The following DNAH1 variants were observed in gnomAD, a reference collection of about 807,000 sequenced individuals.
DNAH1 encodes the protein axonemal beta dynein heavy chain 1.
A neutral mutation model predicts 484.3 loss-of-function variants in DNAH1; 327 were observed. The ratio of observed to expected loss-of-function variants is 0.68; its 90% CI spans 0.62 to 0.74. The LOEUF (loss-of-function observed/expected upper bound fraction) is 0.74, where lower values mean the gene tolerates loss of function less well. Among genes scored for constraint, DNAH1 ranks in the 30% least tolerant of loss-of-function variants. DNAH1 has a pLI of 0.00. For missense variants in DNAH1, 5,052 were observed against 5,546.8 expected (o/e 0.91, Z 2.83); for synonymous variants, 2,192 against 2,191.9 (o/e 1.00, Z 0.00).
Position 52,389,343 on chromosome 3 carries a change from A to G in DNAH1, c.9496-118A>G, listed in dbSNP as rs74339230. ...CCCGAAGTGGGATTAGAATGCAGGT[A>G]TCTGGCTCCATGTCTGAGCTCAGAT... is the stretch of plus-strand genomic sequence containing the variant. On this transcript the variant is annotated intron_variant, in intron 59 of 77. Coordinates refer to ENST00000420323, the MANE Select transcript of DNAH1 (RefSeq NM_015512.5). 1.3e-3 allele frequency: 1,873 copies of G among 1,440,322 alleles called. 16 individuals carry two copies. In the African/African-American group the frequency reaches 0.023, roughly 18 times the overall value. The allele number at this position is 1,440,322 out of a possible 1,614,324, so 89.2% of individuals were successfully genotyped here.
At chr3:52,374,638 G>A (rs1703503653) in intron 44 of DNAH1, 3 of 1,483,480 alleles carry the variant, frequency 2.0e-6, no homozygotes, top group Non-Finnish European at 2.8e-6. Flanking sequence ...AGTTTAATCA[G>A]TGACAATGCA....
At position 52,376,023 on chromosome 3, in the gene DNAH1, ACTGGTTCCAGGAGGAGCC is replaced by A. The variant is rs770530209; in HGVS notation, c.7198+35_7198+52del. On this transcript the variant is annotated intron_variant, in intron 46 of 77. Transcript: ENST00000420323. ...GTGTGGGCCTGGGCGGGAATGGGGC[ACTGGTTCCAGGAGGAGCC>A]CTGGGCTCTGGTTGGGTGTGTTGAG... 3 of 1,608,360 alleles carry A rather than the reference ACTGGTTCCAGGAGGAGCC, an allele frequency of 1.9e-6. No homozygotes were observed. The East Asian group carries it at 6.7e-5, about 36-fold the overall frequency.
At chr3:52,387,253 C>G (rs764583680) in intron 56 of DNAH1, among the ~76,000 whole-genome samples, 2 of 152,188 alleles carry the variant, frequency 1.3e-5, no homozygotes, top group African/African-American at 2.4e-5. Context: ...ACCATCTGCC[C>G]AGTCATCCCC....
At chr3:52,345,428 G>T (rs1702101535) in intron 9 of DNAH1, 67 bp from the exon 10 acceptor site, 3 of 1,367,808 alleles carry the variant, frequency 2.2e-6, no homozygotes, top group Non-Finnish European at 3.0e-6. Context: ...GCACCCTGTG[G>T]ATCTGTCCTG....
chr3:52,371,815 C>CT, intron 41 of DNAH1, 131 bp from the exon 42 acceptor site: 1 of 1,356,930 alleles, frequency 7.4e-7, no homozygotes, highest in Admixed American at 2.2e-5. Flanking sequence ...GGAAGCAGCC[C>CT]TGCACCTGGA....
chr3:52,370,669 T>C, intron 40 of DNAH1, 34 bp downstream of exon 40: 1 of 1,600,832 alleles, frequency 6.2e-7, no homozygotes, highest in Non-Finnish European at 8.5e-7. Context: ...ACCAGGAGCC[T>C]CAGTCCTACT....
At chr3:52,326,480 C>T (rs1255318508) in intron 4 of DNAH1, among the ~76,000 whole-genome samples, 166 bp downstream of exon 4, 1 of 152,158 alleles carries the variant, frequency 6.6e-6, no homozygotes, top group Non-Finnish European at 1.5e-5. Context: ...GAACAATTTA[C>T]GTTATGGAGT....
At chr3:52,378,018 A>G (rs1703677301) in intron 46 of DNAH1, among the ~76,000 whole-genome samples, 1 of 151,362 alleles carries the variant, frequency 6.6e-6, no homozygotes, top group Admixed American at 6.6e-5. Context: ...CTTTCTTTCC[A>G]TTTTCTCCAC....
rs140481308 is a variant in DNAH1 at position 52,373,652 on chromosome 3, A to C, written c.6985+599A>C. On this transcript the variant is annotated intron_variant, in intron 44 of 77. Transcript: ENST00000420323. ...AACTTCAAAAACTACCATCCTTAAA[A>C]GATGTTCCTCCTGCTGATCAAAAGA... 7,816 of 1,409,544 alleles carry C rather than the reference A, an allele frequency of 5.5e-3. 66 individuals carry two copies. Among genetic ancestry groups the C allele is most frequent in the South Asian group, 0.023 (1,992 of 86,262 alleles). 87.3% of individuals were successfully genotyped at this position (1,409,544 alleles called of 1,614,324 possible).
chr3:52,350,723 A>G (rs1392830273), intron 16 of DNAH1, 133 bp downstream of exon 16: 3 of 874,290 alleles, frequency 3.4e-6, no homozygotes, highest in African/African-American at 1.7e-5. Context: ...CTGAGATTTC[A>G]GAGGCCAGGG....
At chr3:52,377,681 C>T (rs1377094307) in intron 46 of DNAH1, among the ~76,000 whole-genome samples, 3 of 152,068 alleles carry the variant, frequency 2.0e-5, no homozygotes, top group Non-Finnish European at 4.4e-5. Context: ...CAGGCCTTTG[C>T]CCTTGCTGTC....
At chr3:52,392,799 T>TGGGGGGGGGGGGGGGGGGG in intron 64 of DNAH1, 31 bp from the exon 65 acceptor site, 2 of 1,274,364 alleles carry the variant, frequency 1.6e-6, no homozygotes, top group Non-Finnish European at 1.1e-6. Context: ...TTCTGCTCTT[T>TGGGGGGGGGGGGGGGGGGG]GACCCCTCCC....
Position 52,334,548 on chromosome 3 carries a change from G to C in DNAH1, c.1286+2154G>C, listed in dbSNP as rs376390794. Among the ~76,000 whole-genome samples the C allele has an allele frequency of 7.2e-5, 11 of 152,244 alleles. No homozygotes were observed. In the East Asian group the frequency reaches 9.7e-4, roughly 13 times the overall value. Reference sequence around the variant, plus strand: ...TTACATCTATAATCCCAGCACTTTGGGGGGCCAAGGTGGGTGGATTGATTG... The same window carrying C: ...TTACATCTATAATCCCAGCACTTTGCGGGGCCAAGGTGGGTGGATTGATTG... On this transcript the variant is annotated intron_variant, in intron 8 of 77. Coordinates refer to ENST00000420323, the MANE Select transcript of DNAH1 (RefSeq NM_015512.5).
At chr3:52,371,235 A>G (rs914924777) in intron 41 of DNAH1, among the ~76,000 whole-genome samples, 1 of 152,222 alleles carries the variant, frequency 6.6e-6, no homozygotes, top group African/African-American at 2.4e-5. Flanking sequence ...CGCTACTATC[A>G]GCTAGCAAGG....
intron 3 of DNAH1, 76 bp downstream of exon 3, chr3:52,323,956 C>CCAAGAAAAGG: frequency 1.7e-6 from 2 of 1,180,786 alleles, no homozygotes; most frequent in East Asian, 2.6e-5. Flanking sequence ...AGGGAGACAG[C>CCAAGAAAAGG]CTTTTCTTGG....
rs1704793209 is a variant in DNAH1, at chr3:52,399,287, G to A, written c.12441+86G>A. The A allele has an allele frequency of 2.2e-6, 3 of 1,377,406 alleles. No homozygotes were observed. The South Asian group carries it at 4.1e-5, about 19-fold the overall frequency. 85.3% of individuals were successfully genotyped at this position (1,377,406 alleles called of 1,614,324 possible). ...GCTCTGAGGCCACGGTTGGTTGGCA[G>A]TTGGGGGACCCCTAAGCCAGGGCAT... On this transcript the variant is annotated intron_variant, in intron 76 of 77. Coordinates refer to ENST00000420323, the MANE Select transcript of DNAH1 (RefSeq NM_015512.5).
At chr3:52,343,057 C>T (rs1248460169) in intron 8 of DNAH1, among the ~76,000 whole-genome samples, 1 of 152,148 alleles carries the variant, frequency 6.6e-6, no homozygotes, top group African/African-American at 2.4e-5. Context: ...GTCCCAGAAG[C>T]TCCGTGAGGA....
At chr3:52,382,552 C>T in intron 50 of DNAH1, 97 bp downstream of exon 50, 2 of 1,539,850 alleles carry the variant, frequency 1.3e-6, no homozygotes, top group Non-Finnish European at 8.8e-7. Context: ...TCATGCCCAG[C>T]TCACAGTCAG....
chr3:52,366,774 G>T lies in DNAH1; in HGVS notation c.5652G>T (p.Gly1884=). 6.2e-7 allele frequency: 1 copy of T among 1,613,830 alleles called. No homozygotes were observed. The highest frequency in any genetic ancestry group is 8.5e-7 in the Non-Finnish European group (1 of 1,179,776). ...VLAAAMTSLK[G]QPSISGGMYE... is the part of the protein sequence containing the mutation. ...CAGCTGCCATGACGTCACTGAAAGG[G>T]CAGCCATCCATCAGTGGTGGCATGT... The change falls in exon 36 of 78, where the codon GGG becomes GGT. Residue 1884 remains glycine, a synonymous_variant. Coordinates refer to ENST00000420323, the MANE Select transcript of DNAH1 (RefSeq NM_015512.5).
Sources: allele counts gnomAD v4.1 joint callset (sites outside exome capture counted in the v4.1 genomes callset), GRCh38; gene constraint gnomAD v4.1.1; transcripts MANE v1.5; gene names NCBI Gene and HGNC (gene_info 2026-07-23, HGNC 2026-07-21).